The following KLF12 variants were observed in gnomAD, a reference collection of about 807,000 sequenced individuals.
KLF12 encodes KLF transcription factor 12, also known as Krueppel-like factor 12.
KLF12 carries 9 observed loss-of-function variants against 37.8 expected under a neutral mutation model. The ratio of observed to expected loss-of-function variants is 0.24; its 90% CI spans 0.14 to 0.42. The LOEUF (loss-of-function observed/expected upper bound fraction) is 0.42. Ranked by LOEUF, KLF12 falls within the 10% of genes least tolerant of loss-of-function variation. The pLI is 1.00. For synonymous variants in KLF12, 208 were observed against 202.1 expected, an observed-to-expected ratio of 1.03 and a Z score of -0.25; for missense variants, 411 against 516.0, an observed-to-expected ratio of 0.80 and a Z score of 1.97.
chr13:73,815,462 G>A (rs1299763147), intron 4 of KLF12, among the ~76,000 whole-genome samples: 3 of 152,300 alleles, frequency 2.0e-5, no homozygotes, highest in Admixed American at 1.3e-4. Flanking sequence ...ATCCAGGAAT[G>A]ACTTTGTGTA....
the KLF12 span, chr13:74,257,179 C>T: frequency 2.0e-5 from 3 of 152,314 alleles, no homozygotes; most frequent in Non-Finnish European, 4.4e-5. Context: ...TGGAAACTCT[C>T]TGCCTGTACT....
At chr13:74,019,880 A>G (rs1305597864) in intron 1 of KLF12, among the ~76,000 whole-genome samples, 3 of 152,220 alleles carry the variant, frequency 2.0e-5, no homozygotes, top group East Asian at 3.9e-4. Flanking sequence ...TGGCCTGGAC[A>G]TTAAATATAA....
At chr13:74,191,111 A>C in the KLF12 span, among the ~76,000 whole-genome samples, 1 of 152,348 alleles carries the variant, frequency 6.6e-6, no homozygotes, top group East Asian at 1.9e-4. Flanking sequence ...CAATCATTTT[A>C]GCAATAAATG....
chr13:74,130,004 G>C (rs1447264573), intron 1 of KLF12, among the ~76,000 whole-genome samples: 5 of 152,170 alleles, frequency 3.3e-5, no homozygotes, highest in African/African-American at 1.2e-4. Context: ...CAGCTCTCTG[G>C]GCTGGGCTTG....
intron 1 of KLF12, among the ~76,000 whole-genome samples, chr13:74,008,436 G>C (rs1892470444): frequency 6.6e-6 from 1 of 152,214 alleles, no homozygotes; most frequent in Non-Finnish European, 1.5e-5. Context: ...ATGCAAACAA[G>C]TTATACAATG....
chr13:73,949,095 T>C (rs1890551622), intron 2 of KLF12, among the ~76,000 whole-genome samples: 1 of 152,178 alleles, frequency 6.6e-6, no homozygotes, highest in South Asian at 2.1e-4. Context: ...GAGGTTAAAT[T>C]GCCCAAGCCC....
intron 1 of KLF12, among the ~76,000 whole-genome samples, chr13:74,057,739 TGA>T (rs1443472239): frequency 6.6e-6 from 1 of 151,874 alleles, no homozygotes; most frequent in African/African-American, 2.4e-5. Context: ...AATTCAAAAA[TGA>T]GAGACAGTAA....
rs10591257 is a variant in KLF12 at position 73,862,055 on chromosome 13, GTTTT to G, written c.124-15686_124-15683del. 7.7e-5 allele frequency among the ~76,000 whole-genome samples: 11 copies of G among 142,988 alleles called. 1 individual carries two copies. The highest frequency in any genetic ancestry group is 2.2e-4 in the South Asian group (1 of 4,570). The allele number at this position is 142,988 out of a possible 152,430, so 93.8% of individuals were successfully genotyped here. A position where few individuals can be genotyped will look rare whatever the true frequency, so the allele number is the denominator to read the frequency against. Reference sequence around the variant, plus strand: ...AACAGAAGAGTGCAGATATAGTTGGGTTTTTTTTTTTTTTTTGAAAAATCAAAGG... The same window carrying G: ...AACAGAAGAGTGCAGATATAGTTGGGTTTTTTTTTTTTGAAAAATCAAAGG... On this transcript the variant is annotated intron_variant, in intron 3 of 7. Transcript: ENST00000377669.
At chr13:74,155,424 T>C in the KLF12 span, among the ~76,000 whole-genome samples, 100 of 152,112 alleles carry the variant, frequency 6.6e-4, no homozygotes, top group African/African-American at 1.7e-3. Flanking sequence ...TGCAATTGCA[T>C]GTCCTTAGCT....
chr13:74,109,602 A>G (rs1645892687), intron 1 of KLF12, among the ~76,000 whole-genome samples: 1 of 152,208 alleles, frequency 6.6e-6, no homozygotes, highest in South Asian at 2.1e-4. Context: ...TTCAAAGAAG[A>G]AAATTGTAAG....
At chr13:73,960,079 A>G (rs1890972139) in intron 2 of KLF12, among the ~76,000 whole-genome samples, 1 of 152,200 alleles carries the variant, frequency 6.6e-6, no homozygotes, top group African/African-American at 2.4e-5. Flanking sequence ...TGAGTCTCAA[A>G]AAGTGACTGA....
intron 4 of KLF12, among the ~76,000 whole-genome samples, chr13:73,835,280 CTAGAT>C (rs1222894808): frequency 1.3e-5 from 2 of 152,050 alleles, no homozygotes; most frequent in Admixed American, 1.3e-4. Context: ...GAAAAAATAA[CTAGAT>C]TACCTAGAGT....
the KLF12 span, among the ~76,000 whole-genome samples, chr13:74,214,661 T>C: frequency 6.6e-6 from 1 of 151,996 alleles, no homozygotes; most frequent in African/African-American, 2.4e-5. Flanking sequence ...TTTCTAAAAA[T>C]CTATTTCTCT....
At chr13:73,776,631 C>T (rs1335507503) in intron 5 of KLF12, among the ~76,000 whole-genome samples, 1 of 152,198 alleles carries the variant, frequency 6.6e-6, no homozygotes, top group Non-Finnish European at 1.5e-5. Context: ...CCCTCTGCCC[C>T]ACTTCCAGCC....
At chr13:74,261,107 C>A in the KLF12 span, among the ~76,000 whole-genome samples, 1 of 151,976 alleles carries the variant, frequency 6.6e-6, no homozygotes, top group East Asian at 1.9e-4. Context: ...AACCAAACAC[C>A]AGCTGTTCTC....
upstream of KLF12, among the ~76,000 whole-genome samples, chr13:74,135,241 G>C (rs957314313): frequency 6.6e-6 from 1 of 152,016 alleles, no homozygotes; most frequent in Non-Finnish European, 1.5e-5. Context: ...GCCCCTGCCT[G>C]CGCCAGTTCT....
the KLF12 span, among the ~76,000 whole-genome samples, chr13:74,159,537 T>C: frequency 1.3e-5 from 2 of 152,226 alleles, no homozygotes. Flanking sequence ...ATAATGCACA[T>C]ATTTCATTAT....
the KLF12 span, among the ~76,000 whole-genome samples, chr13:74,261,885 C>T: frequency 6.6e-6 from 1 of 152,114 alleles, no homozygotes; most frequent in Non-Finnish European, 1.5e-5. Flanking sequence ...TGCTGTTAGC[C>T]AGTCAGAGCT....
chr13:74,227,505 T>A, the KLF12 span, among the ~76,000 whole-genome samples: 2 of 152,176 alleles, frequency 1.3e-5, no homozygotes, highest in Admixed American at 1.3e-4. Flanking sequence ...TAAAGTCACA[T>A]ATAATAACTT....
Sources: allele counts gnomAD v4.1 joint callset (sites outside exome capture counted in the v4.1 genomes callset), GRCh38; gene constraint gnomAD v4.1.1; transcripts MANE v1.5; gene names NCBI Gene and HGNC (gene_info 2026-07-23, HGNC 2026-07-21).